IGF1R: variants seen among roughly 807,000 people sequenced by gnomAD.
IGF1R encodes the protein insulin like growth factor 1 receptor.
IGF1R carries 44 observed loss-of-function variants against 144.6 expected under a neutral mutation model. The observed-to-expected ratio is 0.30, with a 90% CI of 0.24 to 0.39. IGF1R has a LOEUF of 0.39. IGF1R is among the 10% of genes least tolerant of loss of function. The pLI is 1.00. For missense variants in IGF1R, 1,355 were observed against 1,833.7 expected (o/e 0.74, Z 4.77); for synonymous variants, 795 against 722.8 (o/e 1.10, Z -1.60).
chr15:98,958,105 G>C lies in IGF1R; in HGVS notation c.*663G>C, dbSNP rs1197057809. 2.6e-5 allele frequency: 6 copies of C among 233,772 alleles called. No homozygotes were observed. Among genetic ancestry groups the C allele is most frequent in the African/African-American group, 1.1e-4 (5 of 45,332 alleles). 14.5% of individuals were successfully genotyped at this position (233,772 alleles called of 1,614,324 possible). A position where few individuals can be genotyped will look rare whatever the true frequency, so the allele number is the denominator to read the frequency against. ...TCCGGAGGCATGGGTGAGCATGGCAGCTGGTTGCTCCATTTGAGAGACACG... is the reference window on the plus strand; with the variant it reads ...TCCGGAGGCATGGGTGAGCATGGCACCTGGTTGCTCCATTTGAGAGACACG... On this transcript the variant is annotated 3_prime_UTR_variant, in exon 21 of 21. Transcript: ENST00000650285.
At position 98,929,676 on chromosome 15, in the gene IGF1R, A is replaced by C; in HGVS notation, c.2885+16A>C. On this transcript the variant is annotated intron_variant, in intron 14 of 20. Coordinates refer to ENST00000650285, the MANE Select transcript of IGF1R (RefSeq NM_000875.5). Reference sequence around the variant, plus strand: ...ATAGAAAGAGGTCAGTGATGTGCAAAGTTATGACACTTTCTGTGGCTGAGT... The same window carrying C: ...ATAGAAAGAGGTCAGTGATGTGCAACGTTATGACACTTTCTGTGGCTGAGT... 6.6e-7 allele frequency: 1 copy of C among 1,518,890 alleles called. No homozygotes were observed. The highest frequency in any genetic ancestry group is 9.1e-7 in the Non-Finnish European group (1 of 1,092,998). 94.1% of individuals were successfully genotyped at this position (1,518,890 alleles called of 1,614,324 possible).
chr15:98,853,022 C>T (rs1460975760), intron 2 of IGF1R, among the ~76,000 whole-genome samples: 2 of 152,174 alleles, frequency 1.3e-5, no homozygotes, highest in Non-Finnish European at 2.9e-5. Flanking sequence ...CTTGGATGGG[C>T]AGATCGATTT....
chr15:98,742,929 C>T (rs1308740376), intron 2 of IGF1R, among the ~76,000 whole-genome samples: 3 of 151,958 alleles, frequency 2.0e-5, no homozygotes, highest in Non-Finnish European at 4.4e-5. Context: ...CCCAGCTTCT[C>T]GGGAGGCTGA....
In IGF1R at chr15:98,963,214, T is replaced by C. The variant is rs1371733743; in HGVS notation, c.*5772T>C. On this transcript the variant is annotated 3_prime_UTR_variant, in exon 21 of 21. Transcript: ENST00000650285. ...TGTGCAAATGTGTGTTTGTGATCCA[T>C]TTTTTTTTTTTTTTTTTAGGACACC... The C allele has an allele frequency of 2.3e-3, 1 of 434 alleles. No individual in the cohort carries two copies. Among genetic ancestry groups the C allele is most frequent in the Non-Finnish European group, 0.011 (1 of 88 alleles). 0.0% of individuals were successfully genotyped at this position (434 alleles called of 1,614,324 possible). A position where few individuals can be genotyped will look rare whatever the true frequency, so the allele number is the denominator to read the frequency against.
At chr15:98,890,961 C>T (rs1567180218) in intron 2 of IGF1R, among the ~76,000 whole-genome samples, 1 of 152,176 alleles carries the variant, frequency 6.6e-6, no homozygotes, top group African/African-American at 2.4e-5. Context: ...CCATAGAGTT[C>T]CTGTAGGGCT....
intron 2 of IGF1R, among the ~76,000 whole-genome samples, chr15:98,819,125 G>C (rs958420296): frequency 3.9e-5 from 6 of 152,056 alleles, no homozygotes; most frequent in Non-Finnish European, 7.4e-5. Context: ...ACATCCAGGG[G>C]GGGCAAGCTA....
chr15:98,873,315 T>C (rs573232675), intron 2 of IGF1R, among the ~76,000 whole-genome samples: 2 of 152,340 alleles, frequency 1.3e-5, no homozygotes, highest in African/African-American at 4.8e-5. Flanking sequence ...TAGGATCAGC[T>C]TCAAGATTTC....
At position 98,957,766 on chromosome 15, in the gene IGF1R, CCTTTCTCT is replaced by C. The variant is rs1331557992; in HGVS notation, c.*327_*334del. 1 of 420,536 alleles carries C rather than the reference CCTTTCTCT, an allele frequency of 2.4e-6. No homozygotes were observed. Among genetic ancestry groups the C allele is most frequent in the East Asian group, 4.0e-5 (1 of 25,022 alleles). 26.1% of individuals were successfully genotyped at this position (420,536 alleles called of 1,614,324 possible). ...TCTGTCCCTGTCCTTCCCTGTTCTC[CCTTTCTCT>C]CTCCTCTCTGCTTCATAACGGAAAA... On this transcript the variant is annotated 3_prime_UTR_variant, in exon 21 of 21. Transcript: ENST00000650285.
At chr15:98,663,026 C>T (rs1437551887) in intron 1 of IGF1R, among the ~76,000 whole-genome samples, 1 of 152,084 alleles carries the variant, frequency 6.6e-6, no homozygotes, top group Non-Finnish European at 1.5e-5. Context: ...CAGATAGACA[C>T]CCCGGTGTGA....
intron 2 of IGF1R, among the ~76,000 whole-genome samples, chr15:98,859,010 T>G (rs1413600556): frequency 3.3e-5 from 5 of 152,008 alleles, no homozygotes; most frequent in African/African-American, 9.7e-5. Flanking sequence ...ATTCTGCTCA[T>G]TAGGAAGCCC....
chr15:98,876,090 G>A (rs1310394954), intron 2 of IGF1R, among the ~76,000 whole-genome samples: 1 of 152,112 alleles, frequency 6.6e-6, no homozygotes, highest in Non-Finnish European at 1.5e-5. Flanking sequence ...CTAAAACCAG[G>A]AAATAATAGT....
At chr15:98,701,050 A>G (rs1038330495) in intron 1 of IGF1R, among the ~76,000 whole-genome samples, 28 of 152,258 alleles carry the variant, frequency 1.8e-4, no homozygotes, top group African/African-American at 6.3e-4. Flanking sequence ...GATAGTGTCT[A>G]GAGAGGGTTT....
At chr15:98,649,990 G>C (rs2052309880) in intron 1 of IGF1R, among the ~76,000 whole-genome samples, 1 of 151,896 alleles carries the variant, frequency 6.6e-6, no homozygotes, top group Admixed American at 6.6e-5. Context: ...GTTGGTGCCG[G>C]GGCGGGCTCC....
intron 2 of IGF1R, among the ~76,000 whole-genome samples, chr15:98,878,012 G>A (rs1404026179): frequency 1.3e-5 from 2 of 152,228 alleles, no homozygotes; most frequent in Non-Finnish European, 2.9e-5. Context: ...TACCAAAATA[G>A]GCAGAAGTGA....
chr15:98,873,289 A>T (rs2012883735), intron 2 of IGF1R, among the ~76,000 whole-genome samples: 1 of 152,170 alleles, frequency 6.6e-6, no homozygotes, highest in African/African-American at 2.4e-5. Context: ...TTTTTCAAAA[A>T]AATCTCCAAT....
At chr15:98,673,878 TC>T (rs1450613808) in intron 1 of IGF1R, among the ~76,000 whole-genome samples, 2 of 152,236 alleles carry the variant, frequency 1.3e-5, no homozygotes, top group African/African-American at 4.8e-5. Context: ...TTTTCCCTGT[TC>T]CTTTTTCTCC....
rs929643390 is a variant in IGF1R at position 98,963,611 on chromosome 15, C to T, written c.*6169C>T. The T allele has an allele frequency of 2.1e-5, 5 of 233,144 alleles. No homozygotes were observed. Among genetic ancestry groups the T allele is most frequent in the Admixed American group, 1.1e-4 (2 of 17,768 alleles). 14.4% of individuals were successfully genotyped at this position (233,144 alleles called of 1,614,324 possible). On this transcript the variant is annotated 3_prime_UTR_variant, in exon 21 of 21. Coordinates refer to ENST00000650285, the MANE Select transcript of IGF1R (RefSeq NM_000875.5). ...ATGGACATGGGAAGACTTGACTGCA[C>T]AGCCAATGGTTTTCATGATGATTAC...
At chr15:98,768,859 C>T (rs1460915634) in intron 2 of IGF1R, among the ~76,000 whole-genome samples, 3 of 148,448 alleles carry the variant, frequency 2.0e-5, no homozygotes, top group East Asian at 4.0e-4. Flanking sequence ...GCCCAGGAGG[C>T]GGAGGTTGCA....
intron 2 of IGF1R, among the ~76,000 whole-genome samples, chr15:98,791,609 G>A (rs1202302735): frequency 6.6e-6 from 1 of 152,154 alleles, no homozygotes; most frequent in African/African-American, 2.4e-5. Context: ...GAAAACCTAA[G>A]GAGGCCATTA....
Sources: allele counts gnomAD v4.1 joint callset (sites outside exome capture counted in the v4.1 genomes callset), GRCh38; gene constraint gnomAD v4.1.1; transcripts MANE v1.5; gene names NCBI Gene and HGNC (gene_info 2026-07-23, HGNC 2026-07-21).